The following ZC3H12B variants were observed in gnomAD, a reference collection of about 807,000 sequenced individuals.
ZC3H12B encodes probable ribonuclease ZC3H12B.
Under a neutral mutation model 43.9 loss-of-function variants are expected in ZC3H12B, and 7 were observed. The observed-to-expected ratio is 0.16, with a 90% confidence interval of 0.09 to 0.30. The LOEUF is 0.30. ZC3H12B is among the 10% of genes least tolerant of loss of function. The pLI is 1.00. For missense variants in ZC3H12B, 475 were observed against 670.2 expected, an observed-to-expected ratio of 0.71 and a Z score of 3.22; for synonymous variants, 222 against 241.7, an observed-to-expected ratio of 0.92 and a Z score of 0.76.
the ZC3H12B span, among the ~76,000 whole-genome samples, chrX:65,160,245 C>T: frequency 5.4e-5 from 6 of 111,594 alleles, no homozygotes; most frequent in African/African-American, 2.0e-4. Flanking sequence ...TGTCTCTACC[C>T]GGCTTTGGTA....
the ZC3H12B span, among the ~76,000 whole-genome samples, chrX:65,327,332 C>A: frequency 3.6e-5 from 4 of 111,116 alleles, no homozygotes; most frequent in Non-Finnish European, 7.6e-5. Context: ...TACTGTTTAG[C>A]TTTTTGGGAA....
chrX:65,157,457 G>A, the ZC3H12B span, among the ~76,000 whole-genome samples: 1 of 111,973 alleles, frequency 8.9e-6, no homozygotes, highest in Non-Finnish European at 1.9e-5. Flanking sequence ...ATGTAGTGGT[G>A]TTATTTCTAG....
chrX:65,122,686 G>T, the ZC3H12B span, among the ~76,000 whole-genome samples: 8 of 111,105 alleles, frequency 7.2e-5, no homozygotes, highest in Non-Finnish European at 1.1e-4. Context: ...AGGGATGGAG[G>T]AAGATCTACC....
chrX:65,406,422 A>C (rs1347990148), intron 3 of ZC3H12B, among the ~76,000 whole-genome samples: 1 of 107,703 alleles, frequency 9.3e-6, no homozygotes, highest in Non-Finnish European at 1.9e-5. Flanking sequence ...CTGATGCCAA[A>C]AAGCTTTTGA....
chrX:65,248,747 T>G, the ZC3H12B span, among the ~76,000 whole-genome samples: 21 of 111,996 alleles, frequency 1.9e-4, no homozygotes, highest in Admixed American at 2.8e-4. Context: ...CATCTACTAT[T>G]TTTTTGATTT....
At chrX:65,372,341 A>T (rs983996022) in intron 2 of ZC3H12B, among the ~76,000 whole-genome samples, 1 of 111,646 alleles carries the variant, frequency 9.0e-6, no homozygotes, top group Non-Finnish European at 1.9e-5. Flanking sequence ...TGTAGGTATC[A>T]AATATTATGA....
chrX:65,122,949 C>T, the ZC3H12B span, among the ~76,000 whole-genome samples: 3 of 111,785 alleles, frequency 2.7e-5, no homozygotes, highest in Non-Finnish European at 3.8e-5. Context: ...GACTTTAACA[C>T]CCAACTGTCA....
chrX:65,095,486 G>A, the ZC3H12B span, among the ~76,000 whole-genome samples: 1 of 111,092 alleles, frequency 9.0e-6, no homozygotes, highest in Non-Finnish European at 1.9e-5. Context: ...AGAGGATCAT[G>A]TCTTACCAGT....
the ZC3H12B span, among the ~76,000 whole-genome samples, chrX:65,229,351 A>G: frequency 9.0e-6 from 1 of 110,986 alleles, no homozygotes; most frequent in Admixed American, 9.6e-5. Flanking sequence ...CTGAAACTGG[A>G]TCCCTTCCTT....
the ZC3H12B span, among the ~76,000 whole-genome samples, chrX:65,051,516 G>GA: frequency 1.7e-3 from 187 of 110,694 alleles, no homozygotes; most frequent in Middle Eastern, 4.6e-3. Context: ...TCATGAACCA[G>GA]AAAAAAATCA....
chrX:65,481,621 G>T (rs1327274585), intron 3 of ZC3H12B, among the ~76,000 whole-genome samples: 2 of 111,510 alleles, frequency 1.8e-5, no homozygotes, highest in Non-Finnish European at 3.8e-5. Flanking sequence ...TCATTATATG[G>T]TTGACATATT....
At chrX:65,422,014 T>C (rs2067024121) in intron 3 of ZC3H12B, among the ~76,000 whole-genome samples, 1 of 111,590 alleles carries the variant, frequency 9.0e-6, no homozygotes, top group African/African-American at 3.3e-5. Flanking sequence ...TTTACCATGT[T>C]CCACACCATT....
At chrX:65,120,830 C>A in the ZC3H12B span, among the ~76,000 whole-genome samples, 1 of 111,372 alleles carries the variant, frequency 9.0e-6, no homozygotes, top group African/African-American at 3.3e-5. Flanking sequence ...CTCATCAATA[C>A]CAAATTTATC....
chrX:65,427,451 C>G (rs1213792340), intron 3 of ZC3H12B, among the ~76,000 whole-genome samples: 1 of 110,952 alleles, frequency 9.0e-6, no homozygotes, highest in Non-Finnish European at 1.9e-5. Context: ...ACCTCAGCCT[C>G]CCAAGTAGCT....
the ZC3H12B span, among the ~76,000 whole-genome samples, chrX:65,061,831 G>A: frequency 8.9e-6 from 1 of 112,126 alleles, no homozygotes; most frequent in Non-Finnish European, 1.9e-5. Context: ...AGAATCTGTT[G>A]TTTCCTGACT....
chrX:65,125,183 C>T, the ZC3H12B span, among the ~76,000 whole-genome samples: 2 of 111,323 alleles, frequency 1.8e-5, no homozygotes, highest in Admixed American at 9.6e-5. Context: ...TAAGTTGTGA[C>T]ACTATTATCA....
At chrX:65,497,490 G>T (rs1441642103) in intron 2 of ZC3H12B, among the ~76,000 whole-genome samples, 2 of 112,593 alleles carry the variant, frequency 1.8e-5, no homozygotes, top group Non-Finnish European at 3.8e-5. Flanking sequence ...AAAAGATAAA[G>T]CACATAGTTT....
the ZC3H12B span, among the ~76,000 whole-genome samples, chrX:65,205,989 C>T: frequency 9.0e-6 from 1 of 111,652 alleles, no homozygotes; most frequent in Non-Finnish European, 1.9e-5. Flanking sequence ...AGGAAAACTA[C>T]AAAACACTGC....
the ZC3H12B span, among the ~76,000 whole-genome samples, chrX:65,214,059 C>G: frequency 1.8e-5 from 2 of 110,664 alleles, no homozygotes; most frequent in South Asian, 7.6e-4. Flanking sequence ...ATGTACATAT[C>G]TTATTTCAAA....
Sources: allele counts gnomAD v4.1 joint callset (sites outside exome capture counted in the v4.1 genomes callset), GRCh38; gene constraint gnomAD v4.1.1; transcripts MANE v1.5; gene names NCBI Gene and HGNC (gene_info 2026-07-23, HGNC 2026-07-21).